Variants in CARMIL1 observed in about 807,000 individuals in gnomAD.
CARMIL1 encodes capping protein regulator and myosin 1 linker 1.
Under a neutral mutation model 177.1 loss-of-function variants are expected in CARMIL1, and 90 were observed. The ratio of observed to expected loss-of-function variants is 0.51; its 90% CI spans 0.43 to 0.61. The LOEUF (loss-of-function observed/expected upper bound fraction) is 0.61, where lower values mean the gene tolerates loss of function less well. CARMIL1 is among the 20% of genes least tolerant of loss of function. CARMIL1 has a pLI of 0.00. For synonymous variants in CARMIL1, 577 were observed against 606.2 expected (o/e 0.95, Z 0.71); for missense variants, 1,380 against 1,667.0 (o/e 0.83, Z 3.00).
chr6:25,468,663 C>T (rs1316763009), intron 9 of CARMIL1, among the ~76,000 whole-genome samples: 1 of 152,094 alleles, frequency 6.6e-6, no homozygotes, highest in Non-Finnish European at 1.5e-5. Flanking sequence ...GTTTCATTTC[C>T]TTATATTCAT....
In CARMIL1 at chr6:25,481,289, GA is replaced by G. The variant is rs1802101990; in HGVS notation, c.875-966del. 2.0e-5 allele frequency among the ~76,000 whole-genome samples: 3 copies of G among 152,268 alleles called. No homozygotes were observed. The South Asian group carries it at 6.2e-4, about 32-fold the overall frequency. On this transcript the variant is annotated intron_variant, in intron 11 of 36. Coordinates refer to ENST00000329474, the MANE Select transcript of CARMIL1 (RefSeq NM_017640.6). ...CACAGTGGGGAAATAGAGGCTCCCA[GA>G]ACACCCACTGTTCTAGGGGAAAAGC...
intron 2 of CARMIL1, among the ~76,000 whole-genome samples, chr6:25,406,377 G>A (rs993087390): frequency 5.4e-4 from 83 of 152,310 alleles, no homozygotes; most frequent in African/African-American, 1.9e-3. Flanking sequence ...TGAGGCTGGA[G>A]GTGGAGGCAG....
intron 2 of CARMIL1, among the ~76,000 whole-genome samples, chr6:25,398,242 A>G (rs1051977354): frequency 6.6e-6 from 1 of 152,236 alleles, no homozygotes; most frequent in Admixed American, 6.5e-5. Context: ...TCTTCCACCA[A>G]GAGCTCTCAA....
At chr6:25,412,642 A>G (rs1186205112) in intron 2 of CARMIL1, among the ~76,000 whole-genome samples, 3 of 152,200 alleles carry the variant, frequency 2.0e-5, no homozygotes, top group Non-Finnish European at 4.4e-5. Flanking sequence ...CCATGTATAT[A>G]TTAAATAATG....
intron 2 of CARMIL1, among the ~76,000 whole-genome samples, chr6:25,410,055 A>G (rs1378070150): frequency 6.6e-6 from 1 of 152,044 alleles, no homozygotes; most frequent in African/African-American, 2.4e-5. Context: ...TTATATATGT[A>G]ATGGTGTTAA....
chr6:25,604,193 T>G (rs1815708804), intron 33 of CARMIL1, among the ~76,000 whole-genome samples: 1 of 152,194 alleles, frequency 6.6e-6, no homozygotes, highest in African/African-American at 2.4e-5. Context: ...TCCTCCTGCC[T>G]CAGCCTCCTG....
intron 12 of CARMIL1, among the ~76,000 whole-genome samples, chr6:25,482,885 C>T (rs1172086858): frequency 6.6e-6 from 1 of 152,120 alleles, no homozygotes; most frequent in Non-Finnish European, 1.5e-5. Flanking sequence ...ACAGCAGCAC[C>T]TCAATAATAA....
intron 1 of CARMIL1, among the ~76,000 whole-genome samples, chr6:25,284,568 A>T (rs1349893693): frequency 6.6e-6 from 1 of 152,144 alleles, no homozygotes; most frequent in East Asian, 1.9e-4. Flanking sequence ...AATTAGCCGG[A>T]CCTGGTGGTG....
chr6:25,287,257 C>T (rs1190774245), intron 2 of CARMIL1, among the ~76,000 whole-genome samples: 1 of 152,146 alleles, frequency 6.6e-6, no homozygotes, highest in African/African-American at 2.4e-5. Flanking sequence ...TGTTACTTCC[C>T]CCATTGCCCA....
chr6:25,415,814 A>G (rs2150668117), intron 2 of CARMIL1, among the ~76,000 whole-genome samples: 1 of 152,264 alleles, frequency 6.6e-6, no homozygotes. Flanking sequence ...GTCTTGCAAA[A>G]GGAATAAATA....
chr6:25,351,928 G>C (rs1018586826), intron 2 of CARMIL1, among the ~76,000 whole-genome samples: 1 of 152,018 alleles, frequency 6.6e-6, no homozygotes, highest in African/African-American at 2.4e-5. Flanking sequence ...TCAGGAAACG[G>C]CTCCTTTTTG....
chr6:25,528,079 G>A (rs1807341765), intron 23 of CARMIL1, among the ~76,000 whole-genome samples: 1 of 151,954 alleles, frequency 6.6e-6, no homozygotes, highest in Admixed American at 6.6e-5. Flanking sequence ...TGTATTTATT[G>A]CATATTCTTC....
At chr6:25,476,439 T>C (rs2150954859) in intron 11 of CARMIL1, among the ~76,000 whole-genome samples, 1 of 152,354 alleles carries the variant, frequency 6.6e-6, no homozygotes, top group East Asian at 1.9e-4. Flanking sequence ...CATTCATTGC[T>C]GTATTTGCCA....
At chr6:25,402,979 T>C (rs1794015982) in intron 2 of CARMIL1, among the ~76,000 whole-genome samples, 1 of 152,162 alleles carries the variant, frequency 6.6e-6, no homozygotes, top group Admixed American at 6.5e-5. Context: ...AGATCATTTT[T>C]TCCCCTACTG....
intron 16 of CARMIL1, among the ~76,000 whole-genome samples, chr6:25,497,701 A>G (rs1188221209): frequency 6.6e-6 from 1 of 152,188 alleles, no homozygotes; most frequent in African/African-American, 2.4e-5. Flanking sequence ...ATTAGTAGCC[A>G]TGAGAGAATA....
rs371430385 is a variant in CARMIL1 at position 25,510,812 on chromosome 6, C to G, written c.1632+50C>G. On this transcript the variant is annotated intron_variant, in intron 20 of 36. Coordinates refer to ENST00000329474, the MANE Select transcript of CARMIL1 (RefSeq NM_017640.6). The stretch of plus-strand genomic sequence containing the variant: ...CTAAAATCTTCTGTTTGTTGCCATT[C>G]TTACTGATTATTTCTACTGGATTAA... 109 of 1,094,708 alleles carry G rather than the reference C, an allele frequency of 1.0e-4. No individual in the cohort carries two copies. In the African/African-American group the frequency reaches 1.7e-3, roughly 17 times the overall value. 67.8% of individuals were successfully genotyped at this position (1,094,708 alleles called of 1,614,324 possible).
In CARMIL1 at chr6:25,436,284, A is replaced by C. The variant is rs986862620; in HGVS notation, c.371+680A>C. On this transcript the variant is annotated intron_variant, in intron 5 of 36. Coordinates refer to ENST00000329474, the MANE Select transcript of CARMIL1 (RefSeq NM_017640.6). Reference sequence around the variant, plus strand: ...TTATGTCTGAAAGCTCCCTAAAATAATAGGTATAGTCAAAATACCCTCCTG... The same window carrying C: ...TTATGTCTGAAAGCTCCCTAAAATACTAGGTATAGTCAAAATACCCTCCTG... Among the ~76,000 whole-genome samples, 16 of 152,326 alleles carry C rather than the reference A, an allele frequency of 1.1e-4. No individual in the cohort carries two copies. The East Asian group carries it at 3.1e-3, about 29-fold the overall frequency.
intron 31 of CARMIL1, among the ~76,000 whole-genome samples, chr6:25,583,285 A>G (rs1813298848): frequency 6.6e-6 from 1 of 152,200 alleles, no homozygotes; most frequent in African/African-American, 2.4e-5. Context: ...GTCACATGAC[A>G]CCAGGGAAGT....
chr6:25,450,581 T>C (rs1798687154), intron 7 of CARMIL1, 57 bp from the exon 8 acceptor site: 1 of 1,149,638 alleles, frequency 8.7e-7, no homozygotes, highest in African/African-American at 1.5e-5. Flanking sequence ...ACTGTCTCTC[T>C]TGCTTTCCTG....
Sources: allele counts gnomAD v4.1 joint callset (sites outside exome capture counted in the v4.1 genomes callset), GRCh38; gene constraint gnomAD v4.1.1; transcripts MANE v1.5; gene names NCBI Gene and HGNC (gene_info 2026-07-23, HGNC 2026-07-21).